PLEKHM3: variants seen among roughly 807,000 people sequenced by gnomAD.
PLEKHM3 encodes the protein pleckstrin homology domain-containing family M member 3.
PLEKHM3 carries 45 observed loss-of-function variants against 81.8 expected under a neutral mutation model. The observed-to-expected ratio is 0.55, with a 90% CI of 0.43 to 0.71. The LOEUF is 0.71. PLEKHM3 is among the 30% of genes least tolerant of loss of function. PLEKHM3 has a pLI of 0.00. For synonymous variants in PLEKHM3, 352 were observed against 356.4 expected (o/e 0.99, Z 0.14); for missense variants, 788 against 924.3 (o/e 0.85, Z 1.91).
chr2:208,014,577 G>C (rs955464814), intron 1 of PLEKHM3, among the ~76,000 whole-genome samples: 2 of 152,264 alleles, frequency 1.3e-5, no homozygotes, highest in Non-Finnish European at 2.9e-5. Context: ...TTGGGAGGCA[G>C]AGGTTGCAGT....
At chr2:207,926,728 C>A (rs1456696924) in intron 5 of PLEKHM3, among the ~76,000 whole-genome samples, 1 of 152,176 alleles carries the variant, frequency 6.6e-6, no homozygotes, top group Non-Finnish European at 1.5e-5. Context: ...CTAAACTAAT[C>A]ACCCCTGCCA....
At chr2:207,863,270 A>G (rs2092477499) in intron 6 of PLEKHM3, among the ~76,000 whole-genome samples, 1 of 152,174 alleles carries the variant, frequency 6.6e-6, no homozygotes, top group Non-Finnish European at 1.5e-5. Context: ...GCAGCCCCCC[A>G]GTGCCTACCC....
rs187639501 is a variant in PLEKHM3, at chr2:207,964,455, A to C, written c.1546+12196T>G. Among the ~76,000 whole-genome samples the C allele has an allele frequency of 6.6e-4, 100 of 152,284 alleles. 1 individual carries two copies. The highest frequency in any genetic ancestry group is 6.5e-3 in the Admixed American group (100 of 15,298). On this transcript the variant is annotated intron_variant, in intron 3 of 7. Coordinates refer to ENST00000427836, the MANE Select transcript of PLEKHM3 (RefSeq NM_001080475.3). ...TGGGGCCCTGCCCTCACAAAAGTAA[A>C]ACGCAAAGTCATAGGCCCATGACAG...
chr2:207,961,408 T>C (rs1024809077), intron 3 of PLEKHM3, among the ~76,000 whole-genome samples: 4 of 152,242 alleles, frequency 2.6e-5, no homozygotes, highest in Admixed American at 2.6e-4. Flanking sequence ...CTTGGTACAC[T>C]GATATATACC....
intron 7 of PLEKHM3, among the ~76,000 whole-genome samples, chr2:207,849,587 A>G (rs1169409796): frequency 6.6e-6 from 1 of 152,176 alleles, no homozygotes; most frequent in African/African-American, 2.4e-5. Flanking sequence ...TGCCCTACTA[A>G]CAAAGGAAGA....
chr2:207,940,297 C>A (rs1036958829), intron 4 of PLEKHM3, among the ~76,000 whole-genome samples: 1 of 152,152 alleles, frequency 6.6e-6, no homozygotes, highest in Non-Finnish European at 1.5e-5. Context: ...TCTTATATTA[C>A]CCCAATTCAC....
At chr2:207,999,184 T>C (rs1048948346) in intron 2 of PLEKHM3, among the ~76,000 whole-genome samples, 18 of 152,146 alleles carry the variant, frequency 1.2e-4, no homozygotes, top group African/African-American at 4.3e-4. Flanking sequence ...GGTTTTGCCA[T>C]GTTGTCCAGA....
At chr2:208,000,595 C>A (rs1048795205) in intron 2 of PLEKHM3, among the ~76,000 whole-genome samples, 1 of 152,136 alleles carries the variant, frequency 6.6e-6, no homozygotes, top group African/African-American at 2.4e-5. Flanking sequence ...TTCTTTAGGG[C>A]AGGGATTGTG....
chr2:208,011,672 G>A (rs1299492319), intron 1 of PLEKHM3, among the ~76,000 whole-genome samples: 1 of 151,890 alleles, frequency 6.6e-6, no homozygotes, highest in East Asian at 1.9e-4. Context: ...ATACTGCCTG[G>A]GGGATGGTTG....
chr2:207,995,030 A>AT (rs955069046), intron 2 of PLEKHM3, among the ~76,000 whole-genome samples: 4 of 151,956 alleles, frequency 2.6e-5, no homozygotes, highest in East Asian at 3.9e-4. Flanking sequence ...AAGCATAATA[A>AT]TTTTTTTTAA....
intron 3 of PLEKHM3, among the ~76,000 whole-genome samples, chr2:207,965,945 T>C (rs1410929936): frequency 6.6e-6 from 1 of 152,198 alleles, no homozygotes; most frequent in Non-Finnish European, 1.5e-5. Flanking sequence ...TAACCCTCTA[T>C]AGACATTCAA....
At chr2:207,863,082 C>T (rs1213855695) in intron 6 of PLEKHM3, among the ~76,000 whole-genome samples, 2 of 152,184 alleles carry the variant, frequency 1.3e-5, no homozygotes, top group African/African-American at 4.8e-5. Context: ...GAAAGATCTC[C>T]TTCAATTGAA....
chr2:207,950,877 A>C (rs1690305840), intron 3 of PLEKHM3, among the ~76,000 whole-genome samples: 1 of 152,214 alleles, frequency 6.6e-6, no homozygotes, highest in Admixed American at 6.5e-5. Flanking sequence ...CTCCACTGGG[A>C]GTATCCTATT....
intron 2 of PLEKHM3, among the ~76,000 whole-genome samples, chr2:207,979,356 G>A (rs547429129): frequency 1.9e-3 from 284 of 152,066 alleles, no homozygotes; most frequent in Non-Finnish European, 3.3e-3. Context: ...CCAACATGGC[G>A]AAACCCATCT....
rs1319162543 is a variant in PLEKHM3 at position 207,923,880 on chromosome 2, C to CACACACATATATATAT, written c.1886+7045_1886+7046insATATATATATGTGTGT. On this transcript the variant is annotated intron_variant, in intron 5 of 7. Transcript: ENST00000427836. ...GCACACACACACACACACACACACA[C>CACACACATATATATAT]ATATATATATATATATATATATATA... 5.6e-4 allele frequency among the ~76,000 whole-genome samples: 32 copies of CACACACATATATATAT among 56,758 alleles called. 1 individual carries two copies. The highest frequency in any genetic ancestry group is 7.8e-4 in the African/African-American group (11 of 14,024). The allele number at this position is 56,758 out of a possible 152,430, so 37.2% of individuals were successfully genotyped here.
chr2:207,848,678 G>T (rs1356575948), intron 7 of PLEKHM3, among the ~76,000 whole-genome samples: 2 of 152,226 alleles, frequency 1.3e-5, no homozygotes, highest in Non-Finnish European at 2.9e-5. Context: ...AAGAAGGGAA[G>T]AAAGTGCCAA....
intron 7 of PLEKHM3, 71 bp downstream of exon 7, chr2:207,861,034 G>C: frequency 2.6e-6 from 4 of 1,534,390 alleles, no homozygotes; most frequent in Non-Finnish European, 3.5e-6. Context: ...CTAAAAGTTG[G>C]CCTGATTTGG....
At chr2:207,964,196 A>G (rs1690836552) in intron 3 of PLEKHM3, among the ~76,000 whole-genome samples, 3 of 151,676 alleles carry the variant, frequency 2.0e-5, no homozygotes, top group Admixed American at 2.0e-4. Context: ...TGGGTGACAG[A>G]GTGAGACTCC....
intron 2 of PLEKHM3, among the ~76,000 whole-genome samples, chr2:207,979,063 A>G (rs1691429003): frequency 6.6e-6 from 1 of 152,226 alleles, no homozygotes; most frequent in Non-Finnish European, 1.5e-5. Context: ...TAAGGTACCT[A>G]GCACAATGCT....
Sources: gnomAD v4.1 joint callset for allele counts (sites outside exome capture counted in the v4.1 genomes callset) on GRCh38, gnomAD v4.1.1 for gene constraint, MANE v1.5 for transcripts, NCBI Gene and HGNC (gene_info 2026-07-23, HGNC 2026-07-21) for gene names.